ACER3: variants seen among roughly 807,000 people sequenced by gnomAD.
ACER3 encodes alkCDase 3.
A neutral mutation model predicts 48.9 loss-of-function variants in ACER3; 16 were observed. That is an observed-to-expected ratio of 0.33 (90% confidence interval 0.22 to 0.50). The LOEUF (loss-of-function observed/expected upper bound fraction) is 0.50. Ranked by LOEUF, ACER3 falls within the 20% of genes least tolerant of loss-of-function variation. ACER3 has a pLI of 0.98. For missense variants in ACER3, 227 were observed against 326.0 expected, an observed-to-expected ratio of 0.70 and a Z score of 2.34; for synonymous variants, 109 against 107.8, an observed-to-expected ratio of 1.01 and a Z score of -0.07.
At chr11:76,931,411 CTT>C (rs1158251034) in intron 2 of ACER3, among the ~76,000 whole-genome samples, 1 of 150,568 alleles carries the variant, frequency 6.6e-6, no homozygotes, top group African/African-American at 2.5e-5. Context: ...GGTCTTGACT[CTT>C]TATCCAATTT....
chr11:76,980,247 C>T (rs1948554421), intron 4 of ACER3, among the ~76,000 whole-genome samples: 1 of 152,108 alleles, frequency 6.6e-6, no homozygotes, highest in East Asian at 1.9e-4. Context: ...AAGGTAAACT[C>T]CTTTTAATAA....
At chr11:76,967,436 G>C (rs553357669) in intron 3 of ACER3, among the ~76,000 whole-genome samples, 13 of 152,286 alleles carry the variant, frequency 8.5e-5, no homozygotes, top group African/African-American at 3.1e-4. Context: ...GAAAAAGAGG[G>C]AATCCTCCCT....
At chr11:76,919,877 C>T (rs1321134029) in intron 1 of ACER3, among the ~76,000 whole-genome samples, 1 of 151,996 alleles carries the variant, frequency 6.6e-6, no homozygotes, top group Non-Finnish European at 1.5e-5. Flanking sequence ...ATAGTTTTAC[C>T]AAGTCATGAT....
intron 3 of ACER3, among the ~76,000 whole-genome samples, chr11:76,970,392 C>T (rs1321573382): frequency 1.3e-5 from 2 of 152,124 alleles, no homozygotes; most frequent in South Asian, 2.1e-4. Flanking sequence ...ATTATGAAAA[C>T]ATCAGACAAA....
chr11:77,015,129 T>A lies in ACER3; in HGVS notation c.599+12T>A. The A allele has an allele frequency of 1.5e-6, 2 of 1,355,244 alleles. No homozygotes were observed. Among genetic ancestry groups the A allele is most frequent in the Non-Finnish European group, 2.1e-6 (2 of 953,388 alleles). The allele number at this position is 1,355,244 out of a possible 1,614,324, so 84.0% of individuals were successfully genotyped here. A position where few individuals can be genotyped will look rare whatever the true frequency, so the allele number is the denominator to read the frequency against. Reference sequence around the variant, plus strand: ...TGTGAGTCACTGAGGTAAGATATATTTTCATTCCTTCAGAAATATTTTTGG... The same window carrying A: ...TGTGAGTCACTGAGGTAAGATATATATTCATTCCTTCAGAAATATTTTTGG... On this transcript the variant is annotated intron_variant, in intron 8 of 10. Coordinates refer to ENST00000532485, the MANE Select transcript of ACER3 (RefSeq NM_018367.7).
chr11:76,986,335 TA>T (rs954609764), intron 5 of ACER3, among the ~76,000 whole-genome samples: 1 of 152,184 alleles, frequency 6.6e-6, no homozygotes, highest in Non-Finnish European at 1.5e-5. Context: ...ATTGCAATAA[TA>T]GGGGTAAAAA....
At chr11:76,881,030 C>T (rs1473317240) in intron 1 of ACER3, among the ~76,000 whole-genome samples, 5 of 151,782 alleles carry the variant, frequency 3.3e-5, no homozygotes, top group African/African-American at 7.3e-5. Context: ...GTGAGGTAGG[C>T]GGATTGTTTG....
At chr11:76,879,066 C>T (rs988228241) in intron 1 of ACER3, among the ~76,000 whole-genome samples, 1 of 152,010 alleles carries the variant, frequency 6.6e-6, no homozygotes, top group Non-Finnish European at 1.5e-5. Flanking sequence ...GAATATAAGT[C>T]CATTTGCCAA....
chr11:76,912,627 C>T lies in ACER3; in HGVS notation c.104-13930C>T, dbSNP rs145010268. ...TTTAAAAAGGTTATAGAACCCAGAT[C>T]ACTAATCTTTGGGGAATCCTGAGTC... On this transcript the variant is annotated intron_variant, in intron 1 of 10. Transcript: ENST00000532485. Among the ~76,000 whole-genome samples, 11 of 152,140 alleles carry T rather than the reference C, an allele frequency of 7.2e-5. No individual in the cohort carries two copies. In the East Asian group the frequency reaches 1.9e-3, roughly 27 times the overall value.
At chr11:76,885,356 A>G (rs1228519267) in intron 1 of ACER3, among the ~76,000 whole-genome samples, 1 of 152,088 alleles carries the variant, frequency 6.6e-6, no homozygotes, top group Non-Finnish European at 1.5e-5. Context: ...ATAGATGTGC[A>G]TATGCCATGC....
intron 6 of ACER3, among the ~76,000 whole-genome samples, chr11:76,996,377 G>A (rs1052702842): frequency 3.3e-5 from 5 of 150,130 alleles, no homozygotes; most frequent in Non-Finnish European, 7.4e-5. Context: ...TTATCTATTG[G>A]TGAAACCTTC....
At chr11:77,011,571 T>C (rs1949264237) in intron 7 of ACER3, among the ~76,000 whole-genome samples, 1 of 152,206 alleles carries the variant, frequency 6.6e-6, no homozygotes. Context: ...TGTGACTCTT[T>C]TAAGCTCATC....
chr11:76,989,057 T>TGTC (rs1565215789), intron 5 of ACER3, among the ~76,000 whole-genome samples: 1 of 152,200 alleles, frequency 6.6e-6, no homozygotes, highest in East Asian at 1.9e-4. Context: ...TTAAGAGATA[T>TGTC]GTCGTTTTGC....
At chr11:76,993,537 C>T (rs368916393) in intron 6 of ACER3, among the ~76,000 whole-genome samples, 1 of 152,154 alleles carries the variant, frequency 6.6e-6, no homozygotes, top group East Asian at 1.9e-4. Context: ...GCTCTGTCTA[C>T]TTAGATGACT....
At chr11:77,010,289 A>G (rs1949236295) in intron 7 of ACER3, among the ~76,000 whole-genome samples, 1 of 151,978 alleles carries the variant, frequency 6.6e-6, no homozygotes, top group African/African-American at 2.4e-5. Context: ...TTGAGGTTAC[A>G]GTGAGCTATG....
At chr11:76,960,938 GT>G (rs1460741568) in intron 3 of ACER3, among the ~76,000 whole-genome samples, 1 of 152,172 alleles carries the variant, frequency 6.6e-6, no homozygotes, top group Non-Finnish European at 1.5e-5. Flanking sequence ...TTTGTGCCAT[GT>G]TTTGGTACCC....
chr11:77,007,403 T>C (rs1225577010), intron 7 of ACER3, among the ~76,000 whole-genome samples: 1 of 152,186 alleles, frequency 6.6e-6, no homozygotes, highest in Non-Finnish European at 1.5e-5. Context: ...CGTAGAAGTC[T>C]AGGTTCCTCT....
chr11:76,964,735 G>A (rs1242727446), intron 3 of ACER3, among the ~76,000 whole-genome samples: 1 of 151,262 alleles, frequency 6.6e-6, no homozygotes, highest in Non-Finnish European at 1.5e-5. Flanking sequence ...AACTCCAACA[G>A]ACCTGCAGCT....
intron 3 of ACER3, among the ~76,000 whole-genome samples, chr11:76,971,547 G>GA (rs545904867): frequency 1.6e-4 from 23 of 148,258 alleles, no homozygotes; most frequent in Admixed American, 2.0e-4. Flanking sequence ...CAAAAAAAAA[G>GA]AAAAAAAAAC....
Sources: gnomAD v4.1 joint callset for allele counts (sites outside exome capture counted in the v4.1 genomes callset) on GRCh38, gnomAD v4.1.1 for gene constraint, MANE v1.5 for transcripts, NCBI Gene and HGNC (gene_info 2026-07-23, HGNC 2026-07-21) for gene names.